The following GNG7 variants were observed in gnomAD, a reference collection of about 807,000 sequenced individuals.
The protein encoded by GNG7 is G protein subunit gamma 7.
In GNG7, 1 loss-of-function variant was observed where a neutral mutation model predicts 4.0. The observed-to-expected ratio is 0.25, with a 90% CI of 0.09 to 1.18. GNG7 has a LOEUF of 1.18. GNG7 is among the 50% of genes most tolerant of loss of function. The pLI is 0.50. For missense variants in GNG7, 86 were observed against 91.9 expected (o/e 0.94, Z 0.26); for synonymous variants, 34 against 36.9 (o/e 0.92, Z 0.29).
chr19:2,560,030 G>A (rs1445605981), intron 2 of GNG7, among the ~76,000 whole-genome samples: 1 of 152,112 alleles, frequency 6.6e-6, no homozygotes, highest in Non-Finnish European at 1.5e-5. Flanking sequence ...TCGCTAGACA[G>A]TAATGAGGGC....
At chr19:2,602,901 C>CTCTTTCTTTCT (rs1555697044) in intron 2 of GNG7, among the ~76,000 whole-genome samples, 1 of 148,844 alleles carries the variant, frequency 6.7e-6, no homozygotes, top group African/African-American at 2.5e-5. Flanking sequence ...TTCTCTTTTT[C>CTCTTTCTTTCT]TTTCTTTCTT....
chr19:2,568,302 C>CACAT (rs148714991), intron 2 of GNG7, among the ~76,000 whole-genome samples: 42,819 of 149,900 alleles, frequency 0.29, 6,526 homozygotes, highest in South Asian at 0.4. Flanking sequence ...TACACACGCA[C>CACAT]ACACATACAC....
intron 2 of GNG7, among the ~76,000 whole-genome samples, chr19:2,645,420 G>A (rs1216439202): frequency 6.6e-6 from 1 of 151,670 alleles, no homozygotes; most frequent in Non-Finnish European, 1.5e-5. Context: ...CCTATTTTTA[G>A]TAGAGATGGG....
At chr19:2,589,032 G>A (rs1980760770) in intron 2 of GNG7, among the ~76,000 whole-genome samples, 1 of 152,032 alleles carries the variant, frequency 6.6e-6, no homozygotes, top group African/African-American at 2.4e-5. Context: ...AGGTTCAAGC[G>A]ATTCTCCTGC....
chr19:2,596,069 T>A (rs1981010385), intron 2 of GNG7, among the ~76,000 whole-genome samples: 1 of 151,282 alleles, frequency 6.6e-6, no homozygotes, highest in Admixed American at 6.6e-5. Context: ...CAATCAAAAC[T>A]AGTGGGCGGC....
intron 3 of GNG7, among the ~76,000 whole-genome samples, chr19:2,528,955 G>T (rs541257571): frequency 6.6e-6 from 1 of 152,206 alleles, no homozygotes; most frequent in Non-Finnish European, 1.5e-5. Context: ...CCTGCACCCA[G>T]CGAATGTGGA....
chr19:2,563,153 T>G (rs571607329), intron 2 of GNG7, among the ~76,000 whole-genome samples: 48 of 152,212 alleles, frequency 3.2e-4, no homozygotes, highest in African/African-American at 1.1e-3. Flanking sequence ...TTTCACCGTG[T>G]TAGCCAGGAT....
intron 2 of GNG7, among the ~76,000 whole-genome samples, chr19:2,598,932 A>G (rs1476593422): frequency 6.6e-6 from 1 of 152,184 alleles, no homozygotes; most frequent in Non-Finnish European, 1.5e-5. Flanking sequence ...GCTCACCTCA[A>G]GCTGGAAAGA....
At chr19:2,662,292 T>TAA (rs901831473) in intron 1 of GNG7, among the ~76,000 whole-genome samples, 1 of 147,590 alleles carries the variant, frequency 6.8e-6, no homozygotes, top group African/African-American at 2.5e-5. Context: ...CAACCCAAGA[T>TAA]ATTTCTGTGA....
At chr19:2,669,465 A>G (rs1224116014) in intron 1 of GNG7, among the ~76,000 whole-genome samples, 1 of 152,002 alleles carries the variant, frequency 6.6e-6, no homozygotes, top group Non-Finnish European at 1.5e-5. Context: ...ACTCCAGCCT[A>G]GGTGATAGAG....
At chr19:2,573,768 G>T (rs553593085) in intron 2 of GNG7, among the ~76,000 whole-genome samples, 1 of 152,254 alleles carries the variant, frequency 6.6e-6, no homozygotes, top group East Asian at 1.9e-4. Context: ...GCTTGAACCT[G>T]GGAGGCGGAG....
intron 2 of GNG7, among the ~76,000 whole-genome samples, chr19:2,558,753 CTCTT>C (rs897671256): frequency 2.9e-4 from 44 of 151,326 alleles, no homozygotes; most frequent in African/African-American, 9.0e-4. Context: ...TCCTTTCCTT[CTCTT>C]TCTTTCTTTT....
At chr19:2,656,713 G>A (rs1041623075) in intron 1 of GNG7, among the ~76,000 whole-genome samples, 8 of 152,286 alleles carry the variant, frequency 5.3e-5, no homozygotes, top group African/African-American at 1.2e-4. Flanking sequence ...ACAGCCGTGC[G>A]TGTTCACTTA....
chr19:2,551,875 G>A (rs916594227), intron 3 of GNG7, among the ~76,000 whole-genome samples: 11 of 152,020 alleles, frequency 7.2e-5, no homozygotes, highest in African/African-American at 2.7e-4. Flanking sequence ...AGTAGAGATG[G>A]GGTTTTGCCA....
intron 2 of GNG7, chr19:2,643,945 T>G: frequency 4.3e-6 from 1 of 231,624 alleles, no homozygotes; most frequent in Non-Finnish European, 8.7e-6. Context: ...TGAAGTCCTT[T>G]ACATTTTTAT....
At chr19:2,592,676 C>G (rs62123679) in intron 2 of GNG7, among the ~76,000 whole-genome samples, 31,699 of 143,068 alleles carry the variant, frequency 0.22, 4,664 homozygotes, top group East Asian at 0.53. Flanking sequence ...GGTCGAGGCT[C>G]TAGTGAGCTA....
intron 1 of GNG7, among the ~76,000 whole-genome samples, chr19:2,691,278 G>C (rs893626206): frequency 2.6e-5 from 4 of 152,118 alleles, no homozygotes; most frequent in African/African-American, 9.7e-5. Flanking sequence ...GCTCAGTAAC[G>C]CATATCCGTA....
intron 1 of GNG7, among the ~76,000 whole-genome samples, chr19:2,684,599 C>A (rs1363076891): frequency 6.6e-6 from 1 of 152,174 alleles, no homozygotes; most frequent in African/African-American, 2.4e-5. Flanking sequence ...ACTTTGAGGA[C>A]CTCAGTCTCA....
chr19:2,541,526 AG>A (rs1288706034), intron 3 of GNG7, among the ~76,000 whole-genome samples: 1 of 152,002 alleles, frequency 6.6e-6, no homozygotes, highest in Non-Finnish European at 1.5e-5. Context: ...CGAGGTCAGG[AG>A]TTCGAGACCA....
Sources: allele counts gnomAD v4.1 joint callset (sites outside exome capture counted in the v4.1 genomes callset), GRCh38; gene constraint gnomAD v4.1.1; transcripts MANE v1.5; gene names NCBI Gene and HGNC (gene_info 2026-07-23, HGNC 2026-07-21).